The following TOP1MT variants were observed in gnomAD, a reference collection of about 807,000 sequenced individuals.
TOP1MT encodes DNA topoisomerase I mitochondrial, also known as DNA topoisomerase I, mitochondrial.
A neutral mutation model predicts 73.9 loss-of-function variants in TOP1MT; 80 were observed. That is an observed-to-expected ratio of 1.08 (90% CI 0.90 to 1.30). The LOEUF is 1.30. Among genes scored for constraint, TOP1MT ranks in the 50% most tolerant of loss-of-function variants. TOP1MT has a pLI of 0.00. For missense variants in TOP1MT, 815 were observed against 808.0 expected (o/e 1.01, Z -0.10); for synonymous variants, 338 against 326.4 (o/e 1.04, Z -0.38).
chr8:143,330,345 G>A (rs1018061720), intron 2 of TOP1MT, among the ~76,000 whole-genome samples: 20 of 152,222 alleles, frequency 1.3e-4, no homozygotes, highest in African/African-American at 3.6e-4. Context: ...TGGGGCAGGC[G>A]AGGCAGCCGC....
At chr8:143,321,570 CGCCACACAG>C (rs201489224) in intron 7 of TOP1MT, among the ~76,000 whole-genome samples, 184 bp from the exon 8 acceptor site, 22 of 104,792 alleles carry the variant, frequency 2.1e-4, no homozygotes, top group Non-Finnish European at 3.4e-4. Context: ...CACACACGCA[CGCCACACAG>C]GCACGCCACA....
Position 143,334,748 on chromosome 8 carries a change from A to G in TOP1MT, c.114T>C (p.Ser38=). 1 of 1,601,108 alleles carries G rather than the reference A, an allele frequency of 6.2e-7. No individual in the cohort carries two copies. Among genetic ancestry groups the G allele is most frequent in the South Asian group, 1.1e-5 (1 of 90,870 alleles). The part of the protein sequence containing the change: ...VPGSRRTQKG[S]GARWEKEKHE... ...TCACTGGGACACCTTACCTGGCTCC[A>G]CTGCCCTTCTGCGTCCTGCGCGAGC... The change falls in exon 1 of 14, where the codon AGT becomes AGC. Residue 38 remains serine, a synonymous_variant. Transcript: ENST00000329245.
chr8:143,321,662 A>ACACGCACGCCACG (rs1563758098), intron 7 of TOP1MT, among the ~76,000 whole-genome samples: 44 of 91,086 alleles, frequency 4.8e-4, no homozygotes, highest in Non-Finnish European at 7.8e-4. Flanking sequence ...CACGCCACAC[A>ACACGCACGCCACG]CACGCACGCC....
intron 1 of TOP1MT, chr8:143,332,457 A>G: frequency 7.8e-7 from 1 of 1,282,196 alleles, no homozygotes. Flanking sequence ...CAGACGCACA[A>G]GGACAGAAGG....
upstream of TOP1MT, among the ~76,000 whole-genome samples, chr8:143,359,016 T>G (rs888610809): frequency 1.5e-4 from 22 of 147,068 alleles, no homozygotes; most frequent in East Asian, 3.9e-4. Flanking sequence ...TGTTTTTTGG[T>G]TTTTTTTTTA....
At chr8:143,317,139 G>A (rs1440679890) in intron 10 of TOP1MT, among the ~76,000 whole-genome samples, 2 of 152,186 alleles carry the variant, frequency 1.3e-5, no homozygotes, top group Non-Finnish European at 2.9e-5. Flanking sequence ...GCGCCGGGGT[G>A]GGAGGCACCC....
chr8:143,335,850 C>T (rs528220802), upstream of TOP1MT, among the ~76,000 whole-genome samples: 1 of 152,374 alleles, frequency 6.6e-6, no homozygotes, highest in East Asian at 1.9e-4. Context: ...GTGTCCATGT[C>T]ATCTAGCTGC....
intron 8 of TOP1MT, among the ~76,000 whole-genome samples, chr8:143,319,374 C>T (rs1220331776): frequency 2.6e-5 from 4 of 151,962 alleles, no homozygotes; most frequent in African/African-American, 7.3e-5. Context: ...AGCTCACTGC[C>T]GCCTCCAACT....
chr8:143,339,403 C>T (rs1817036340), upstream of TOP1MT, among the ~76,000 whole-genome samples: 1 of 152,214 alleles, frequency 6.6e-6, no homozygotes, highest in African/African-American at 2.4e-5. Flanking sequence ...GCTACAACTG[C>T]AGTGTGGCCC....
chr8:143,332,703 C>G, intron 1 of TOP1MT: 1 of 576,586 alleles, frequency 1.7e-6, no homozygotes, highest in Non-Finnish European at 2.8e-6. Flanking sequence ...AGAGACGGAG[C>G]TGATAAAGTA....
At chr8:143,323,369 G>A (rs1400952381) in intron 7 of TOP1MT, among the ~76,000 whole-genome samples, 4 of 102,772 alleles carry the variant, frequency 3.9e-5, no homozygotes, top group South Asian at 3.6e-4. Context: ...CCACAGGCAC[G>A]CCACACAGAT....
chr8:143,336,646 A>G (rs1212577287), upstream of TOP1MT, among the ~76,000 whole-genome samples: 1 of 152,184 alleles, frequency 6.6e-6, no homozygotes, highest in Non-Finnish European at 1.5e-5. Context: ...AATTATGTCT[A>G]TTTGCAGGTG....
chr8:143,323,897 C>G, intron 7 of TOP1MT, 102 bp downstream of exon 7: 1 of 1,371,384 alleles, frequency 7.3e-7, no homozygotes, highest in East Asian at 2.3e-5. Flanking sequence ...TGAGGTTCCA[C>G]CCCACACACA....
chr8:143,314,893 C>T (rs1321066484), intron 12 of TOP1MT, among the ~76,000 whole-genome samples: 1 of 152,128 alleles, frequency 6.6e-6, no homozygotes, highest in Non-Finnish European at 1.5e-5. Flanking sequence ...AAAAACCAGG[C>T]CATACAGAGA....
intron 7 of TOP1MT, among the ~76,000 whole-genome samples, chr8:143,321,926 T>TGAACGCCACACAC (rs1816419440): frequency 1.2e-4 from 1 of 8,096 alleles, no homozygotes. Flanking sequence ...GCCACACACA[T>TGAACGCCACACAC]GCACGCCACA....
At chr8:143,359,411 C>T (rs1010162995), upstream of TOP1MT, 58 of 985,220 alleles carry the variant, frequency 5.9e-5, no homozygotes, top group Admixed American at 1.8e-4. Context: ...CACTCTGGGG[C>T]AGAAGACAGA....
In TOP1MT at chr8:143,309,545, T is replaced by C. The variant is rs1389897281; in HGVS notation, c.1704-2A>G. 5.0e-6 allele frequency: 8 copies of C among 1,613,538 alleles called. No homozygotes were observed. The Admixed American group carries it at 1.3e-4, about 27-fold the overall frequency. On this transcript the variant is annotated splice_acceptor_variant, in intron 13 of 13. Transcript: ENST00000329245. LOFTEE classifies it high-confidence loss of function. ...ACTGGCACCCTGAACCGCTTGCACC[T>C]GCGGGAGGCAGCATCAGCCCAGGCA...
intron 1 of TOP1MT, among the ~76,000 whole-genome samples, chr8:143,332,889 G>A (rs1586772965): frequency 6.6e-6 from 1 of 152,210 alleles, no homozygotes; most frequent in East Asian, 1.9e-4. Flanking sequence ...GCTGGAGTCT[G>A]GAGGGAGACT....
chr8:143,314,767 A>G (rs1474638626), intron 12 of TOP1MT, among the ~76,000 whole-genome samples: 1 of 152,144 alleles, frequency 6.6e-6, no homozygotes, highest in Non-Finnish European at 1.5e-5. Flanking sequence ...AAGAATAGTT[A>G]TACTATATAT....
Sources: gnomAD v4.1 joint callset for allele counts (sites outside exome capture counted in the v4.1 genomes callset) on GRCh38, gnomAD v4.1.1 for gene constraint, MANE v1.5 for transcripts, NCBI Gene and HGNC (gene_info 2026-07-23, HGNC 2026-07-21) for gene names.